Variants in RALA observed in about 807,000 individuals in gnomAD.
RALA encodes ras-related protein Ral-A.
In RALA, 5 loss-of-function variants were observed where a neutral mutation model predicts 24.0. The ratio of observed to expected loss-of-function variants is 0.21; its 90% CI spans 0.11 to 0.44. The LOEUF (loss-of-function observed/expected upper bound fraction) is 0.44, where lower values mean the gene tolerates loss of function less well. RALA is among the 20% of genes least tolerant of loss of function. The probability of loss-of-function intolerance (pLI) is 0.99; values close to 1 mark genes in which losing one functional copy is unlikely to be tolerated. For synonymous variants in RALA, 77 were observed against 83.8 expected (o/e 0.92, Z 0.44); for missense variants, 95 against 241.2 (o/e 0.39, Z 4.01).
rs150967491 is a variant in RALA at position 39,706,256 on chromosome 7, A to G, written c.*11A>G. 1.3e-3 allele frequency: 2,047 copies of G among 1,602,128 alleles called. 51 individuals are homozygous for G. The Admixed American group carries it at 0.034, about 26-fold the overall frequency. ...TGCTGCATTTTATAATCAAAGCCCA[A>G]ACTCCTTTCTTATCTTGACCATACT... is the stretch of plus-strand genomic sequence containing the variant. On this transcript the variant is annotated 3_prime_UTR_variant, in exon 5 of 5. Transcript: ENST00000005257.
chr7:39,626,822 G>T (rs914858978), intron 1 of RALA, among the ~76,000 whole-genome samples: 2 of 152,156 alleles, frequency 1.3e-5, no homozygotes, highest in African/African-American at 2.4e-5. Context: ...ATGGAAATGG[G>T]GGAGAAGCTA....
chr7:39,674,539 C>G (rs1239204677), intron 1 of RALA, among the ~76,000 whole-genome samples: 1 of 152,100 alleles, frequency 6.6e-6, no homozygotes, highest in South Asian at 2.1e-4. Flanking sequence ...TCTATTTTGT[C>G]TTTATTCTAT....
chr7:39,624,400 C>G (rs1234213390), intron 1 of RALA: 1 of 150,344 alleles, frequency 6.7e-6, no homozygotes, highest in East Asian at 2.0e-4. Context: ...TGGCCTTGGG[C>G]GCTTGCACAG....
intron 2 of RALA, among the ~76,000 whole-genome samples, chr7:39,689,428 A>G (rs1442445903): frequency 3.9e-5 from 6 of 152,198 alleles, no homozygotes; most frequent in Non-Finnish European, 5.9e-5. Context: ...CTCCCATGTA[A>G]CAGGCACTGT....
chr7:39,696,434 G>A (rs972800335), intron 3 of RALA, among the ~76,000 whole-genome samples: 4 of 152,254 alleles, frequency 2.6e-5, no homozygotes, highest in Non-Finnish European at 4.4e-5. Flanking sequence ...GAGACATGAC[G>A]AAACTAAATG....
At chr7:39,673,938 G>A (rs1792431777) in intron 1 of RALA, among the ~76,000 whole-genome samples, 1 of 151,938 alleles carries the variant, frequency 6.6e-6, no homozygotes, top group South Asian at 2.1e-4. Context: ...GAGCTCAGCA[G>A]TTCAAGACCA....
At chr7:39,688,039 G>T (rs561837722) in intron 2 of RALA, among the ~76,000 whole-genome samples, 2 of 152,188 alleles carry the variant, frequency 1.3e-5, no homozygotes, top group Non-Finnish European at 2.9e-5. Context: ...GTATGAGCCA[G>T]TGCACCCAAC....
chr7:39,624,346 TTCAGACTTAAAG>T, intron 1 of RALA: 1 of 152,014 alleles, frequency 6.6e-6, no homozygotes, highest in Non-Finnish European at 1.5e-5. Context: ...GGAATGGTTT[TTCAGACTTAAAG>T]TCATTAGACT....
At chr7:39,681,108 C>CT (rs529375201) in intron 1 of RALA, among the ~76,000 whole-genome samples, 5 of 152,210 alleles carry the variant, frequency 3.3e-5, no homozygotes, top group Admixed American at 3.3e-4. Flanking sequence ...ACTCTGTCTT[C>CT]TAGATCATTA....
chr7:39,629,111 T>TA (rs1345263557), intron 1 of RALA, among the ~76,000 whole-genome samples: 1 of 152,246 alleles, frequency 6.6e-6, no homozygotes, highest in African/African-American at 2.4e-5. Context: ...GTTGGAGAGA[T>TA]ACATCTTCAG....
chr7:39,682,176 G>GT (rs1418158412), intron 1 of RALA, among the ~76,000 whole-genome samples: 13 of 152,332 alleles, frequency 8.5e-5, no homozygotes, highest in African/African-American at 2.9e-4. Context: ...TATCTGAAAT[G>GT]TAGTACTCAG....
At chr7:39,630,814 A>G (rs1247557264) in intron 1 of RALA, among the ~76,000 whole-genome samples, 1 of 151,972 alleles carries the variant, frequency 6.6e-6, no homozygotes, top group Non-Finnish European at 1.5e-5. Flanking sequence ...TTTTTTTTCT[A>G]TTGGATTATC....
intron 3 of RALA, among the ~76,000 whole-genome samples, chr7:39,694,185 T>C (rs1352201714): frequency 1.3e-5 from 2 of 152,260 alleles, no homozygotes; most frequent in Admixed American, 1.3e-4. Context: ...TCTTATGATA[T>C]GGCACCATAC....
At chr7:39,639,600 T>C (rs1352631228) in intron 1 of RALA, among the ~76,000 whole-genome samples, 2 of 152,142 alleles carry the variant, frequency 1.3e-5, no homozygotes, top group African/African-American at 4.8e-5. Flanking sequence ...ATAACAAATA[T>C]GGCAGGCTTT....
At chr7:39,688,760 C>G (rs1044473695) in intron 2 of RALA, among the ~76,000 whole-genome samples, 3 of 151,842 alleles carry the variant, frequency 2.0e-5, no homozygotes, top group Non-Finnish European at 4.4e-5. Flanking sequence ...ATTTTTGTAG[C>G]GACGGGGTGT....
chr7:39,690,236 A>G (rs889994805), intron 2 of RALA, 146 bp from the exon 3 acceptor site: 3 of 606,384 alleles, frequency 4.9e-6, no homozygotes, highest in Non-Finnish European at 8.2e-6. Flanking sequence ...AAATTAGTGT[A>G]GTTTTTACCA....
chr7:39,676,818 T>C (rs1792494339), intron 1 of RALA, among the ~76,000 whole-genome samples: 1 of 152,176 alleles, frequency 6.6e-6, no homozygotes, highest in South Asian at 2.1e-4. Flanking sequence ...ATAGAGAGTT[T>C]AGAGTCTGGA....
intron 1 of RALA, among the ~76,000 whole-genome samples, chr7:39,640,150 A>G (rs1275090121): frequency 6.6e-6 from 1 of 152,072 alleles, no homozygotes; most frequent in African/African-American, 2.4e-5. Context: ...AGGTCAAGCA[A>G]TCCTACCACC....
intron 1 of RALA, among the ~76,000 whole-genome samples, chr7:39,641,846 T>C (rs1471931491): frequency 6.6e-6 from 1 of 152,230 alleles, no homozygotes; most frequent in Non-Finnish European, 1.5e-5. Flanking sequence ...CCTTAGTAGA[T>C]AGATATAACT....
Sources: allele counts gnomAD v4.1 joint callset (sites outside exome capture counted in the v4.1 genomes callset), GRCh38; gene constraint gnomAD v4.1.1; transcripts MANE v1.5; gene names NCBI Gene and HGNC (gene_info 2026-07-23, HGNC 2026-07-21).